The following GPD2 variants were observed in gnomAD, a reference collection of about 807,000 sequenced individuals.
GPD2 encodes glycerol-3-phosphate dehydrogenase, mitochondrial.
In GPD2, 54 loss-of-function variants were observed where a neutral mutation model predicts 82.4. That is an observed-to-expected ratio of 0.66 (90% CI 0.53 to 0.82). The LOEUF is 0.82. GPD2 is among the 40% of genes least tolerant of loss of function. The probability of loss-of-function intolerance (pLI) is 0.00; values close to 1 mark genes in which losing one functional copy is unlikely to be tolerated. For missense variants in GPD2, 748 were observed against 896.2 expected, an observed-to-expected ratio of 0.83 and a Z score of 2.11; for synonymous variants, 288 against 306.1, an observed-to-expected ratio of 0.94 and a Z score of 0.62.
In GPD2 at chr2:156,436,411, C is replaced by T. The variant is rs1257821349; in HGVS notation, c.-111C>T. 1 of 152,358 alleles carries T rather than the reference C, an allele frequency of 6.6e-6. No individual in the cohort carries two copies. The highest frequency in any genetic ancestry group is 1.5e-5 in the Non-Finnish European group (1 of 68,172). 9.4% of individuals were successfully genotyped at this position (152,358 alleles called of 1,614,324 possible). A position where few individuals can be genotyped will look rare whatever the true frequency, so the allele number is the denominator to read the frequency against. ...AGCCCCGCGCGCCTCGCTGGGAGCACCCGGGCCGAGGCTCTGATTCTGGGG... is the reference window on the plus strand; with the variant it reads ...AGCCCCGCGCGCCTCGCTGGGAGCATCCGGGCCGAGGCTCTGATTCTGGGG... On this transcript the variant is annotated 5_prime_UTR_variant, in exon 1 of 17. Coordinates refer to ENST00000438166, the MANE Select transcript of GPD2 (RefSeq NM_000408.5).
At chr2:156,451,596 G>T (rs1268193028) in intron 1 of GPD2, among the ~76,000 whole-genome samples, 3 of 144,474 alleles carry the variant, frequency 2.1e-5, no homozygotes, top group African/African-American at 7.7e-5. Flanking sequence ...TCCCGGACAG[G>T]GCGGCTGGCC....
At chr2:156,551,016 T>C (rs1686738443) in intron 8 of GPD2, among the ~76,000 whole-genome samples, 3 of 152,250 alleles carry the variant, frequency 2.0e-5, no homozygotes, top group Admixed American at 6.5e-5. Context: ...TAAGCATTGG[T>C]ATTTTTGAAT....
At chr2:156,548,643 A>G (rs891088521) in intron 6 of GPD2, among the ~76,000 whole-genome samples, 1 of 152,174 alleles carries the variant, frequency 6.6e-6, no homozygotes, top group Non-Finnish European at 1.5e-5. Context: ...TAAACCATTT[A>G]TACTAAATGT....
At position 156,569,460 on chromosome 2, in the gene GPD2, GC is replaced by G. The variant is rs759404176; in HGVS notation, c.1399del (p.Leu467PhefsTer48). ...AAGCAGGACCAAGTAGAACAGTTGG[GC>G]TTTTCCTTCAAGGGGGTAAAGATTG... ...LKAGPSRTVG[L>X]FLQGGKDWSP... On this transcript the variant is annotated frameshift_variant, in exon 11 of 17. Coordinates refer to ENST00000438166, the MANE Select transcript of GPD2 (RefSeq NM_000408.5). LOFTEE classifies it high-confidence loss of function. The G allele has an allele frequency of 6.2e-7, 1 of 1,611,974 alleles. No homozygotes were observed. Among genetic ancestry groups the G allele is most frequent in the South Asian group, 1.1e-5 (1 of 91,040 alleles).
At chr2:156,500,352 A>T (rs998868179) in intron 3 of GPD2, among the ~76,000 whole-genome samples, 1 of 152,168 alleles carries the variant, frequency 6.6e-6, no homozygotes, top group Non-Finnish European at 1.5e-5. Flanking sequence ...TTTTACTACA[A>T]TTCCTGATCA....
chr2:156,491,645 T>C (rs1405769133), intron 2 of GPD2, among the ~76,000 whole-genome samples: 1 of 152,214 alleles, frequency 6.6e-6, no homozygotes, highest in African/African-American at 2.4e-5. Context: ...CCTACAGGCT[T>C]CTGTATGAAC....
At chr2:156,452,469 T>C (rs10933039) in intron 1 of GPD2, among the ~76,000 whole-genome samples, 1 of 151,828 alleles carries the variant, frequency 6.6e-6, no homozygotes, top group Admixed American at 6.6e-5. Context: ...GGCAGGGAGG[T>C]TGCAGTGAGC....
chr2:156,467,580 G>A lies in GPD2; in HGVS notation c.-8-8518G>A, dbSNP rs374235039. Among the ~76,000 whole-genome samples the A allele has an allele frequency of 3.9e-5, 6 of 152,268 alleles. No individual in the cohort carries two copies. The East Asian group carries it at 9.6e-4, about 24-fold the overall frequency. ...TTTGCTTTTGATATAATAGAGAAAAGGCTAAAGAAGGTGACGGAAGGATAA... is the reference window on the plus strand; with the variant it reads ...TTTGCTTTTGATATAATAGAGAAAAAGCTAAAGAAGGTGACGGAAGGATAA... On this transcript the variant is annotated intron_variant, in intron 1 of 16. Transcript: ENST00000438166.
At chr2:156,495,984 T>C in intron 2 of GPD2, 60 bp from the exon 3 acceptor site, 1 of 1,291,536 alleles carries the variant, frequency 7.7e-7, no homozygotes, top group Non-Finnish European at 1.1e-6. Flanking sequence ...TAGTATATTG[T>C]AAAATTTGTT....
chr2:156,565,519 G>A (rs1687356425), intron 9 of GPD2, among the ~76,000 whole-genome samples: 1 of 152,084 alleles, frequency 6.6e-6, no homozygotes. Context: ...TCCCAGCATT[G>A]AGATCCTGTA....
At chr2:156,470,170 T>G (rs1453907696) in intron 1 of GPD2, among the ~76,000 whole-genome samples, 1 of 152,144 alleles carries the variant, frequency 6.6e-6, no homozygotes, top group Non-Finnish European at 1.5e-5. Flanking sequence ...GTGACAAATG[T>G]ATTTGCATGG....
rs770714915 is a variant in GPD2 at position 156,510,918 on chromosome 2, C to A, written c.397C>A (p.Gln133Lys). Reference protein sequence around the residue: ...QKAIMKLDIEQYRMVKEALHE... With the variant: ...QKAIMKLDIEKYRMVKEALHE... Reference sequence around the variant, plus strand: ...GGCCATCATGAAGTTGGATATTGAGCAGGTAATTGTGTATGCTGGTTGTTA... The same window carrying A: ...GGCCATCATGAAGTTGGATATTGAGAAGGTAATTGTGTATGCTGGTTGTTA... The change falls in exon 4 of 17, where the codon CAG becomes AAG. Residue 133 changes from glutamine to lysine, a missense_variant and splice_region_variant. Around this residue, in one of 3 missense-constraint regions of GPD2, gnomAD observed 692 missense variants for 809.7 expected, o/e 0.85. Coordinates refer to ENST00000438166, the MANE Select transcript of GPD2 (RefSeq NM_000408.5). 1 of 1,613,310 alleles carries A rather than the reference C, an allele frequency of 6.2e-7. No individual in the cohort carries two copies. Among genetic ancestry groups the A allele is most frequent in the Non-Finnish European group, 8.5e-7 (1 of 1,179,290 alleles).
intron 1 of GPD2, among the ~76,000 whole-genome samples, chr2:156,450,682 T>TTTTTTTTTTTTA (rs3055086): frequency 8.9e-6 from 1 of 112,448 alleles, no homozygotes; most frequent in African/African-American, 3.3e-5. Context: ...TTTTTTTTTT[T>TTTTTTTTTTTTA]ATTGCTCATT....
At chr2:156,525,828 A>G (rs887666922) in intron 6 of GPD2, among the ~76,000 whole-genome samples, 4 of 152,184 alleles carry the variant, frequency 2.6e-5, no homozygotes, top group Non-Finnish European at 4.4e-5. Flanking sequence ...AAATTATGTA[A>G]ATAAAGTGTT....
chr2:156,510,645 A>G, intron 3 of GPD2, 151 bp from the exon 4 acceptor site: 3 of 685,790 alleles, frequency 4.4e-6, no homozygotes, highest in Non-Finnish European at 7.9e-6. Context: ...TCTTCATTAT[A>G]ATATAGACAG....
chr2:156,537,654 T>G (rs1170696615), intron 6 of GPD2, among the ~76,000 whole-genome samples: 2 of 152,232 alleles, frequency 1.3e-5, no homozygotes, highest in Admixed American at 6.5e-5. Flanking sequence ...TCTTACTACA[T>G]GTCACCATTG....
At chr2:156,469,035 T>G (rs1683238186) in intron 1 of GPD2, among the ~76,000 whole-genome samples, 1 of 152,228 alleles carries the variant, frequency 6.6e-6, no homozygotes, top group Non-Finnish European at 1.5e-5. Context: ...ATGAGTTCAT[T>G]TGTTTTTATT....
intron 3 of GPD2, among the ~76,000 whole-genome samples, chr2:156,499,148 G>A (rs927492832): frequency 6.6e-6 from 1 of 152,112 alleles, no homozygotes; most frequent in Non-Finnish European, 1.5e-5. Flanking sequence ...GAGGTGAGAT[G>A]TTCTACTTAT....
chr2:156,524,216 T>C (rs539505869), intron 6 of GPD2, among the ~76,000 whole-genome samples: 5 of 152,238 alleles, frequency 3.3e-5, no homozygotes, highest in Admixed American at 6.5e-5. Flanking sequence ...TCCCTTTTTT[T>C]GTTTCCTGAT....
Sources: gnomAD v4.1 joint callset for allele counts (sites outside exome capture counted in the v4.1 genomes callset) on GRCh38, gnomAD v4.1.1 for gene constraint, gnomAD v4.1.1 regional missense constraint, MANE v1.5 for transcripts, NCBI Gene and HGNC (gene_info 2026-07-23, HGNC 2026-07-21) for gene names.